CXXC4: variants seen among roughly 807,000 people sequenced by gnomAD.
The protein encoded by CXXC4 is CXXC finger protein 4.
Under a neutral mutation model 20.5 loss-of-function variants are expected in CXXC4, and 5 were observed. The observed-to-expected ratio is 0.24, with a 90% CI of 0.13 to 0.51. CXXC4 has a LOEUF of 0.51. Among genes scored for constraint, CXXC4 ranks in the 20% least tolerant of loss-of-function variants. The probability of loss-of-function intolerance (pLI) is 0.97; values close to 1 mark genes in which losing one functional copy is unlikely to be tolerated. For missense variants in CXXC4, 419 were observed against 496.4 expected, an observed-to-expected ratio of 0.84 and a Z score of 1.48; for synonymous variants, 250 against 216.4, an observed-to-expected ratio of 1.16 and a Z score of -1.36.
chr4:104,469,301 C>A lies in CXXC4; in HGVS notation c.*3021G>T, dbSNP rs1323989840. Reference sequence around the variant, plus strand: ...TGGCTCACTGCACTATGTATCAACGCCTCAAGTATTTACCATGATCTCCCC... The same window carrying A: ...TGGCTCACTGCACTATGTATCAACGACTCAAGTATTTACCATGATCTCCCC... On this transcript the variant is annotated 3_prime_UTR_variant, in exon 3 of 3. Transcript: ENST00000394767. 2.0e-5 allele frequency: 3 copies of A among 152,006 alleles called. No individual in the cohort carries two copies. The highest frequency in any genetic ancestry group is 6.6e-5 in the Admixed American group (1 of 15,220). 9.4% of individuals were successfully genotyped at this position (152,006 alleles called of 1,614,324 possible).
intron 2 of CXXC4, among the ~76,000 whole-genome samples, chr4:104,473,257 A>G (rs1329558637): frequency 6.6e-6 from 1 of 151,874 alleles, no homozygotes; most frequent in East Asian, 1.9e-4. Context: ...GTGAGTTTGT[A>G]TTTTCAACAA....
In CXXC4 at chr4:104,481,184, A is replaced by C. The variant is rs146099317; in HGVS notation, c.1060-8818T>G. ...GATTCCAGAATTTTCTAAAATTTCAATGTTAGTTTAAATGTGGCCATTTGT... is the reference window on the plus strand; with the variant it reads ...GATTCCAGAATTTTCTAAAATTTCACTGTTAGTTTAAATGTGGCCATTTGT... On this transcript the variant is annotated intron_variant, in intron 2 of 2. Coordinates refer to ENST00000394767, the MANE Select transcript of CXXC4 (RefSeq NM_025212.4). Among the ~76,000 whole-genome samples, 401 of 152,260 alleles carry C rather than the reference A, an allele frequency of 2.6e-3. 2 individuals carry two copies. The highest frequency in any genetic ancestry group is 9.4e-3 in the African/African-American group (389 of 41,546).
chr4:104,477,447 T>A (rs1736440990), intron 2 of CXXC4, among the ~76,000 whole-genome samples: 1 of 152,036 alleles, frequency 6.6e-6, no homozygotes, highest in Non-Finnish European at 1.5e-5. Context: ...TTGACACAAA[T>A]TAATACATAG....
chr4:104,477,281 GA>G (rs1371464417), intron 2 of CXXC4, among the ~76,000 whole-genome samples: 1 of 152,020 alleles, frequency 6.6e-6, no homozygotes, highest in Admixed American at 6.5e-5. Flanking sequence ...TGCTGATGGT[GA>G]AAAAAACTAC....
rs1736220150 is a variant in CXXC4 at position 104,469,933 on chromosome 4, A to T, written c.*2389T>A. On this transcript the variant is annotated 3_prime_UTR_variant, in exon 3 of 3. Transcript: ENST00000394767. ...AAAGCAAACAAACAAAAGCACACCA[A>T]GACATGCACTACTAGAATGTATTTT... 1 of 152,010 alleles carries T rather than the reference A, an allele frequency of 6.6e-6. No homozygotes were observed. Among genetic ancestry groups the T allele is most frequent in the Admixed American group, 6.6e-5 (1 of 15,210 alleles). The allele number at this position is 152,010 out of a possible 1,614,324, so 9.4% of individuals were successfully genotyped here.
At position 104,476,982 on chromosome 4, in the gene CXXC4, T is replaced by C. The variant is rs114959944; in HGVS notation, c.1060-4616A>G. Among the ~76,000 whole-genome samples, 132 of 152,260 alleles carry C rather than the reference T, an allele frequency of 8.7e-4. 1 individual carries two copies. Among genetic ancestry groups the C allele is most frequent in the African/African-American group, 3.0e-3 (126 of 41,558 alleles). ...ACCTACTGTATAACCTTTTGAAATA[T>C]TGTTTTCACTATGAGGAGTCCCACT... On this transcript the variant is annotated intron_variant, in intron 2 of 2. Coordinates refer to ENST00000394767, the MANE Select transcript of CXXC4 (RefSeq NM_025212.4).
chr4:104,482,657 A>G (rs1374873411), intron 2 of CXXC4, among the ~76,000 whole-genome samples: 1 of 152,112 alleles, frequency 6.6e-6, no homozygotes, highest in African/African-American at 2.4e-5. Flanking sequence ...CCATTTCCAC[A>G]TGATTAAATT....
In CXXC4 at chr4:104,492,092, A is replaced by T. The variant is rs768279951; in HGVS notation, c.-257-33T>A. The T allele has an allele frequency of 7.1e-5, 19 of 267,228 alleles. 1 individual carries two copies. The highest frequency in any genetic ancestry group is 1.3e-4 in the Non-Finnish European group (18 of 142,104). 16.6% of individuals were successfully genotyped at this position (267,228 alleles called of 1,614,324 possible). On this transcript the variant is annotated intron_variant, in intron 1 of 2. Coordinates refer to ENST00000394767, the MANE Select transcript of CXXC4 (RefSeq NM_025212.4). ...AAAGAAAGTCATTCCAACGAGCTGC[A>T]CGAGGAAAAAGATTAAAAATAAACA...
intron 2 of CXXC4, among the ~76,000 whole-genome samples, chr4:104,486,022 T>C (rs1578320707): frequency 6.6e-6 from 1 of 152,146 alleles, no homozygotes; most frequent in Non-Finnish European, 1.5e-5. Flanking sequence ...TGCTCTTATA[T>C]GCCTTGTGTT....
intron 1 of CXXC4, chr4:104,494,424 A>G (rs1252839419): frequency 1.3e-5 from 2 of 152,188 alleles, no homozygotes; most frequent in Admixed American, 6.5e-5. Flanking sequence ...TCCAGCATTA[A>G]TAATCTACTT....
chr4:104,485,900 A>G (rs1272776257), intron 2 of CXXC4, among the ~76,000 whole-genome samples: 1 of 152,164 alleles, frequency 6.6e-6, no homozygotes, highest in Non-Finnish European at 1.5e-5. Context: ...TAAACAAAAT[A>G]TAGAGAAATA....
At chr4:104,488,405 AG>A (rs1337650493) in intron 2 of CXXC4, among the ~76,000 whole-genome samples, 1 of 152,234 alleles carries the variant, frequency 6.6e-6, no homozygotes, top group Non-Finnish European at 1.5e-5. Context: ...CATAGGTCTA[AG>A]GCAGTCATGA....
intron 2 of CXXC4, among the ~76,000 whole-genome samples, chr4:104,488,550 A>G (rs1736754466): frequency 6.6e-6 from 1 of 152,242 alleles, no homozygotes; most frequent in African/African-American, 2.4e-5. Context: ...GATAGAAGGG[A>G]TCTGAAGTTA....
intron 1 of CXXC4, among the ~76,000 whole-genome samples, chr4:104,492,929 C>CT (rs1302381672): frequency 6.6e-6 from 1 of 151,620 alleles, no homozygotes; most frequent in Non-Finnish European, 1.5e-5. Flanking sequence ...CCTGCAGCCT[C>CT]TATAAGAATA....
intron 2 of CXXC4, 114 bp from the exon 3 acceptor site, chr4:104,472,480 G>A: frequency 3.3e-6 from 2 of 605,008 alleles, no homozygotes; most frequent in Non-Finnish European, 5.8e-6. Flanking sequence ...ACAACATAAT[G>A]ACTTGTATAT....
At chr4:104,485,264 G>A (rs1043765711) in intron 2 of CXXC4, among the ~76,000 whole-genome samples, 4 of 151,896 alleles carry the variant, frequency 2.6e-5, no homozygotes, top group Non-Finnish European at 5.9e-5. Flanking sequence ...TGGAATATGA[G>A]AGAAACTATA....
chr4:104,472,936 T>G (rs1736312987), intron 2 of CXXC4, among the ~76,000 whole-genome samples: 1 of 151,958 alleles, frequency 6.6e-6, no homozygotes, highest in Non-Finnish European at 1.5e-5. Flanking sequence ...GTGAGACATA[T>G]AAGCATTCTA....
chr4:104,482,679 CT>C (rs1394881890), intron 2 of CXXC4, among the ~76,000 whole-genome samples: 1 of 152,114 alleles, frequency 6.6e-6, no homozygotes, highest in Non-Finnish European at 1.5e-5. Flanking sequence ...ATATGGTCTT[CT>C]GTTCACTTAA....
At chr4:104,486,082 A>G (rs1736684669) in intron 2 of CXXC4, among the ~76,000 whole-genome samples, 1 of 152,104 alleles carries the variant, frequency 6.6e-6, no homozygotes, top group Non-Finnish European at 1.5e-5. Context: ...ACATTCTTAT[A>G]GCATAATTTA....
Sources: allele counts gnomAD v4.1 joint callset (sites outside exome capture counted in the v4.1 genomes callset), GRCh38; gene constraint gnomAD v4.1.1; transcripts MANE v1.5; gene names NCBI Gene and HGNC (gene_info 2026-07-23, HGNC 2026-07-21).